GALNT14: variants seen among roughly 807,000 people sequenced by gnomAD.
GALNT14 encodes the protein UDP-GalNAc:polypeptide N-acetylgalactosaminyltransferase 14.
In GALNT14, 60 loss-of-function variants were observed where a neutral mutation model predicts 77.5. The observed-to-expected ratio is 0.77, with a 90% CI of 0.63 to 0.96. The LOEUF is 0.96. GALNT14 is among the 40% of genes least tolerant of loss of function. The probability of loss-of-function intolerance (pLI) is 0.00; values close to 1 mark genes in which losing one functional copy is unlikely to be tolerated. For missense variants in GALNT14, 710 were observed against 731.0 expected, an observed-to-expected ratio of 0.97 and a Z score of 0.33; for synonymous variants, 280 against 281.7, an observed-to-expected ratio of 0.99 and a Z score of 0.06.
chr2:31,119,885 G>A (rs11691099), intron 1 of GALNT14, among the ~76,000 whole-genome samples: 40,394 of 89,564 alleles, frequency 0.45, 12,791 homozygotes, highest in African/African-American at 0.6. Flanking sequence ...GGCCGGGCGC[G>A]GTGGCTCACG....
intron 2 of GALNT14, among the ~76,000 whole-genome samples, chr2:30,972,359 C>T (rs563460064): frequency 4.6e-5 from 7 of 152,302 alleles, no homozygotes; most frequent in South Asian, 2.1e-4. Flanking sequence ...CCTGGCGTGG[C>T]GTGGGACACA....
At chr2:30,912,162 C>T in intron 14 of GALNT14, 61 bp downstream of exon 14, 2 of 1,596,474 alleles carry the variant, frequency 1.3e-6, no homozygotes, top group Non-Finnish European at 1.7e-6. Flanking sequence ...TCAGACTAAG[C>T]CCTCAACAGG....
intron 11 of GALNT14, among the ~76,000 whole-genome samples, chr2:30,927,371 T>C (rs1665452417): frequency 6.6e-6 from 1 of 152,202 alleles, no homozygotes; most frequent in African/African-American, 2.4e-5. Context: ...ACCTGCAGCT[T>C]ATTAGAAATA....
intron 1 of GALNT14, among the ~76,000 whole-genome samples, chr2:31,008,288 G>C (rs1398615937): frequency 1.3e-5 from 2 of 152,032 alleles, no homozygotes; most frequent in Non-Finnish European, 2.9e-5. Context: ...GTAGAGGTGA[G>C]GTCTCACTAT....
At chr2:30,908,109 G>A (rs1340316345), downstream of GALNT14, among the ~76,000 whole-genome samples, 1 of 129,870 alleles carries the variant, frequency 7.7e-6, no homozygotes, top group Admixed American at 8.0e-5. Flanking sequence ...ATATCATACT[G>A]AATGGGCAAA....
rs756113300 is a variant in GALNT14 at position 30,966,192 on chromosome 2, A to G, written c.398+12T>C. On this transcript the variant is annotated intron_variant, in intron 3 of 14. Transcript: ENST00000349752. ...CCCAGAGCTGGCCAACAGACAAGCA[A>G]GGATGCCTCACCTGCGGATGGTCCT... The G allele has an allele frequency of 1.9e-6, 3 of 1,611,924 alleles. No homozygotes were observed. The highest frequency in any genetic ancestry group is 2.5e-6 in the Non-Finnish European group (3 of 1,178,134).
At chr2:31,089,732 C>G (rs1053432195) in intron 1 of GALNT14, among the ~76,000 whole-genome samples, 10 of 152,046 alleles carry the variant, frequency 6.6e-5, no homozygotes, top group Non-Finnish European at 1.3e-4. Flanking sequence ...ACAAAAAGCA[C>G]CAGATCTGAC....
At chr2:30,957,579 C>T (rs188797678) in intron 4 of GALNT14, among the ~76,000 whole-genome samples, 2 of 152,274 alleles carry the variant, frequency 1.3e-5, no homozygotes, top group South Asian at 2.1e-4. Context: ...CATGTACAGC[C>T]CACTTCTGCA....
intron 1 of GALNT14, among the ~76,000 whole-genome samples, chr2:31,021,577 A>C (rs915649264): frequency 2.6e-5 from 4 of 152,118 alleles, no homozygotes; most frequent in Admixed American, 1.3e-4. Flanking sequence ...AAGTGCTGGG[A>C]TTATAGGCAT....
At chr2:30,899,187 G>C in the GALNT14 span, among the ~76,000 whole-genome samples, 1 of 152,204 alleles carries the variant, frequency 6.6e-6, no homozygotes, top group African/African-American at 2.4e-5. Context: ...AAGATGAATG[G>C]AGGCGGGAAC....
intron 1 of GALNT14, among the ~76,000 whole-genome samples, chr2:31,018,585 T>C (rs1671526096): frequency 6.6e-6 from 1 of 152,198 alleles, no homozygotes; most frequent in South Asian, 2.1e-4. Context: ...GATTAAAATT[T>C]GAGATGAGAT....
At chr2:31,123,906 G>C (rs1449951176) in intron 1 of GALNT14, among the ~76,000 whole-genome samples, 1 of 152,110 alleles carries the variant, frequency 6.6e-6, no homozygotes, top group Non-Finnish European at 1.5e-5. Flanking sequence ...CCATTAAACA[G>C]CATCCCCAGA....
At chr2:31,087,263 GA>G (rs1340347501) in intron 1 of GALNT14, among the ~76,000 whole-genome samples, 1 of 152,076 alleles carries the variant, frequency 6.6e-6, no homozygotes. Flanking sequence ...TTATAGAGGG[GA>G]AAAACAGCAA....
the GALNT14 span, among the ~76,000 whole-genome samples, chr2:30,893,677 G>T: frequency 6.6e-6 from 1 of 152,070 alleles, no homozygotes; most frequent in Admixed American, 6.6e-5. Context: ...GCAGGACCTA[G>T]AAGTGTGAAG....
intron 1 of GALNT14, among the ~76,000 whole-genome samples, chr2:31,006,273 G>A (rs960573875): frequency 2.6e-5 from 4 of 152,026 alleles, no homozygotes; most frequent in African/African-American, 7.2e-5. Context: ...GAAGCCAGGC[G>A]AAAGAACTGG....
the GALNT14 span, among the ~76,000 whole-genome samples, chr2:30,893,968 T>C: frequency 4.2e-3 from 645 of 152,310 alleles, 10 homozygotes; most frequent in South Asian, 0.032. Flanking sequence ...AGTTACACTA[T>C]ATATAATATT....
chr2:31,079,625 G>A (rs1676032194), intron 1 of GALNT14, among the ~76,000 whole-genome samples: 2 of 152,120 alleles, frequency 1.3e-5, no homozygotes, highest in South Asian at 2.1e-4. Context: ...TTGCCCTCCT[G>A]CTAATAAAAC....
chr2:31,030,360 G>A (rs1672331843), intron 1 of GALNT14, among the ~76,000 whole-genome samples: 1 of 152,114 alleles, frequency 6.6e-6, no homozygotes, highest in Admixed American at 6.6e-5. Flanking sequence ...CAAGGCATTT[G>A]ATTTTGCTAA....
chr2:31,041,600 G>A (rs776150923), intron 1 of GALNT14, among the ~76,000 whole-genome samples: 2 of 152,118 alleles, frequency 1.3e-5, no homozygotes, highest in Non-Finnish European at 2.9e-5. Flanking sequence ...TGCATTGGTC[G>A]TGGGCAGGGC....
Sources: gnomAD v4.1 joint callset for allele counts (sites outside exome capture counted in the v4.1 genomes callset) on GRCh38, gnomAD v4.1.1 for gene constraint, MANE v1.5 for transcripts, NCBI Gene and HGNC (gene_info 2026-07-23, HGNC 2026-07-21) for gene names.